The following LOC400499 variants were observed in gnomAD, a reference collection of about 807,000 sequenced individuals.
the LOC400499 span, chr16:11,387,374 C>G: frequency 8.7e-7 from 1 of 1,150,082 alleles, no homozygotes; most frequent in Non-Finnish European, 1.1e-6. Context: ...GCTTCTAGGT[C>G]TGCAGGAAGA....
At chr16:11,484,240 C>G in the LOC400499 span, among the ~76,000 whole-genome samples, 2 of 152,052 alleles carry the variant, frequency 1.3e-5, no homozygotes, top group South Asian at 4.2e-4. Context: ...ATCTCCTGAC[C>G]TCGTGATCCG....
chr16:11,430,178 C>G, the LOC400499 span, among the ~76,000 whole-genome samples: 3 of 152,076 alleles, frequency 2.0e-5, no homozygotes, highest in Admixed American at 2.0e-4. Flanking sequence ...AACATGACTG[C>G]CCGGTACCCT....
the LOC400499 span, chr16:11,413,021 G>T: frequency 4.8e-5 from 19 of 398,564 alleles, no homozygotes; most frequent in Middle Eastern, 2.5e-3. Flanking sequence ...GGCTGGGTGG[G>T]GACCCCAGCC....
At chr16:11,519,161 A>G in the LOC400499 span, among the ~76,000 whole-genome samples, 9 of 152,168 alleles carry the variant, frequency 5.9e-5, no homozygotes, top group African/African-American at 2.2e-4. Context: ...CACTGAAATA[A>G]TCAAGTACCT....
the LOC400499 span, chr16:11,475,708 G>T: frequency 2.5e-6 from 1 of 399,054 alleles, no homozygotes; most frequent in Non-Finnish European, 4.4e-6. Context: ...ATGAGGTACA[G>T]CTGAGAGCTG....
At chr16:11,417,400 T>C in the LOC400499 span, among the ~76,000 whole-genome samples, 2 of 152,292 alleles carry the variant, frequency 1.3e-5, no homozygotes, top group African/African-American at 2.4e-5. Flanking sequence ...AAGATTTCTA[T>C]GTTTTAAGCC....
At chr16:11,426,443 T>TA in the LOC400499 span, among the ~76,000 whole-genome samples, 1 of 151,904 alleles carries the variant, frequency 6.6e-6, no homozygotes, top group Admixed American at 6.6e-5. Context: ...ACTCTGTCTC[T>TA]AAAAAACAAC....
the LOC400499 span, among the ~76,000 whole-genome samples, chr16:11,454,222 T>C: frequency 1.3e-5 from 2 of 152,254 alleles, no homozygotes; most frequent in African/African-American, 4.8e-5. Flanking sequence ...CAACCTAAAA[T>C]TCTCCACTCA....
chr16:11,502,684 G>A, the LOC400499 span, among the ~76,000 whole-genome samples: 8 of 150,154 alleles, frequency 5.3e-5, no homozygotes, highest in African/African-American at 1.5e-4. Context: ...GCGCAATCTC[G>A]GCTCACGGCA....
At chr16:11,385,286 A>G in the LOC400499 span, 1 of 1,232,222 alleles carries the variant, frequency 8.1e-7, no homozygotes, top group African/African-American at 1.5e-5. Flanking sequence ...AGCCTGTCCG[A>G]CTCAGCGTCA....
At chr16:11,417,893 G>A in the LOC400499 span, 328 of 398,432 alleles carry the variant, frequency 8.2e-4, 1 homozygote, top group African/African-American at 5.5e-3. Context: ...GAGCCAGCCT[G>A]GGTCAAGCTG....
At chr16:11,405,441 A>C in the LOC400499 span, among the ~76,000 whole-genome samples, 1 of 152,330 alleles carries the variant, frequency 6.6e-6, no homozygotes, top group Non-Finnish European at 1.5e-5. Flanking sequence ...TAAGGTGACA[A>C]GGATGGTCAC....
At chr16:11,384,318 G>A in the LOC400499 span, 32 of 1,231,328 alleles carry the variant, frequency 2.6e-5, no homozygotes, top group Admixed American at 1.3e-4. Context: ...GAAGGCCAGC[G>A]GATATGCCTG....
chr16:11,461,161 A>G, the LOC400499 span: 47 of 1,495,854 alleles, frequency 3.1e-5, no homozygotes, highest in South Asian at 5.5e-4. Flanking sequence ...GTCAGCCCCC[A>G]GGGACCAGCA....
the LOC400499 span, among the ~76,000 whole-genome samples, chr16:11,524,699 G>A: frequency 5.9e-5 from 9 of 152,078 alleles, 1 homozygote; most frequent in South Asian, 1.7e-3. Context: ...TAAGAAAACT[G>A]CCAGAGATTC....
At chr16:11,509,602 G>A in the LOC400499 span, among the ~76,000 whole-genome samples, 1 of 151,556 alleles carries the variant, frequency 6.6e-6, no homozygotes, top group African/African-American at 2.4e-5. Context: ...AGGCCAAGGT[G>A]GGTGGATCAC....
At chr16:11,488,610 CACA>C in the LOC400499 span, 1 of 394,592 alleles carries the variant, frequency 2.5e-6, no homozygotes, top group African/African-American at 2.1e-5. Flanking sequence ...GACCCCTTGA[CACA>C]ACGTCTGATC....
chr16:11,383,455 C>T, the LOC400499 span, among the ~76,000 whole-genome samples: 1 of 152,180 alleles, frequency 6.6e-6, no homozygotes, highest in Admixed American at 6.5e-5. Context: ...CTAGGCCATC[C>T]ATGAGGCATG....
the LOC400499 span, among the ~76,000 whole-genome samples, chr16:11,379,173 A>C: frequency 1.3e-5 from 2 of 152,180 alleles, no homozygotes; most frequent in African/African-American, 4.8e-5. Flanking sequence ...ACTTGAACCC[A>C]GGAGGTGGAG....
Sources: allele counts gnomAD v4.1 joint callset (sites outside exome capture counted in the v4.1 genomes callset), GRCh38; gene constraint gnomAD v4.1.1; transcripts MANE v1.5.